HECW2: variants seen among roughly 807,000 people sequenced by gnomAD.
HECW2 encodes the protein HECT, C2 and WW domain containing E3 ubiquitin protein ligase 2, also known as E3 ubiquitin-protein ligase HECW2.
HECW2 carries 61 observed loss-of-function variants against 175.2 expected under a neutral mutation model. That is an observed-to-expected ratio of 0.35 (90% CI 0.28 to 0.43). HECW2 has a LOEUF of 0.43. Ranked by LOEUF, HECW2 falls within the 20% of genes least tolerant of loss-of-function variation. The pLI is 1.00. For synonymous variants in HECW2, 671 were observed against 731.0 expected, an observed-to-expected ratio of 0.92 and a Z score of 1.32; for missense variants, 1,524 against 2,000.5, an observed-to-expected ratio of 0.76 and a Z score of 4.54.
At chr2:196,406,541 C>T (rs189006651) in intron 2 of HECW2, among the ~76,000 whole-genome samples, 12 of 152,300 alleles carry the variant, frequency 7.9e-5, no homozygotes, top group African/African-American at 2.4e-4. Flanking sequence ...AAAGTCAAAC[C>T]TTATTAATCT....
chr2:196,432,199 A>G (rs896776465), intron 2 of HECW2, among the ~76,000 whole-genome samples: 8 of 152,170 alleles, frequency 5.3e-5, no homozygotes, highest in African/African-American at 1.9e-4. Flanking sequence ...AAGTACTGCC[A>G]TAAACAGATG....
chr2:196,292,427 A>G (rs991858811), intron 14 of HECW2, 138 bp downstream of exon 14: 1 of 702,178 alleles, frequency 1.4e-6, no homozygotes, highest in Non-Finnish European at 2.4e-6. Context: ...CCTGCTGTCC[A>G]GGTTTCACTT....
chr2:196,304,822 C>A (rs1394938226), intron 13 of HECW2, among the ~76,000 whole-genome samples: 4 of 152,178 alleles, frequency 2.6e-5, no homozygotes, highest in Non-Finnish European at 4.4e-5. Context: ...TCACTAGTGT[C>A]CTATGTTCTC....
chr2:196,542,540 G>A (rs888345583), intron 1 of HECW2, among the ~76,000 whole-genome samples: 6 of 151,930 alleles, frequency 3.9e-5, no homozygotes, highest in African/African-American at 1.5e-4. Context: ...TATGCACATG[G>A]TACAACATTC....
intron 21 of HECW2, chr2:196,238,435 GTTTC>G (rs3054196): frequency 3.4e-4 from 13 of 37,980 alleles, no homozygotes; most frequent in African/African-American, 7.2e-4. Context: ...GTAGCTCAAG[GTTTC>G]TTTCTTTCTT....
At chr2:196,241,721 T>A (rs1688463088) in intron 20 of HECW2, among the ~76,000 whole-genome samples, 1 of 152,282 alleles carries the variant, frequency 6.6e-6, no homozygotes, top group African/African-American at 2.4e-5. Flanking sequence ...TACACTCAGG[T>A]CAGTTCAGGA....
chr2:196,470,824 G>C (rs1321865570), intron 1 of HECW2, among the ~76,000 whole-genome samples: 2 of 151,884 alleles, frequency 1.3e-5, no homozygotes, highest in Non-Finnish European at 2.9e-5. Context: ...ACAGGTCGCA[G>C]GCATCTATAA....
intron 19 of HECW2, among the ~76,000 whole-genome samples, chr2:196,248,631 C>CACACACACACACAG (rs779364588): frequency 6.7e-6 from 1 of 148,386 alleles, no homozygotes; most frequent in Non-Finnish European, 1.5e-5. Flanking sequence ...CACACACACA[C>CACACACACACACAG]AGAGAGAGAC....
At chr2:196,357,491 T>A (rs979970313) in intron 2 of HECW2, among the ~76,000 whole-genome samples, 1 of 152,218 alleles carries the variant, frequency 6.6e-6, no homozygotes, top group South Asian at 2.1e-4. Flanking sequence ...AGTCAAAATA[T>A]AAAGCTCTGA....
rs146746712 is a variant in HECW2 at position 196,240,779 on chromosome 2, C to T, written c.3651-217G>A. ...AGAGAATCATTGGTAGAGTACCCTA[C>T]CTATGACCAGTGTAAACAACCGGAG... On this transcript the variant is annotated intron_variant, in intron 20 of 28. Transcript: ENST00000644978. Among the ~76,000 whole-genome samples the T allele has an allele frequency of 2.5e-3, 384 of 152,122 alleles. 3 individuals carry two copies. The highest frequency in any genetic ancestry group is 3.0e-3 in the Non-Finnish European group (206 of 68,004).
At chr2:196,218,283 GGT>G (rs923724532) in intron 26 of HECW2, 1 of 152,168 alleles carries the variant, frequency 6.6e-6, no homozygotes, top group African/African-American at 2.4e-5. Flanking sequence ...TAGCAGCTGG[GGT>G]GTGAACATAT....
At chr2:196,411,485 G>C (rs1320440414) in intron 2 of HECW2, among the ~76,000 whole-genome samples, 5 of 152,228 alleles carry the variant, frequency 3.3e-5, no homozygotes. Flanking sequence ...CAAAGGTCTT[G>C]TGCAAAGGAG....
At chr2:196,387,121 CCTT>C (rs1416919145) in intron 2 of HECW2, among the ~76,000 whole-genome samples, 3 of 152,144 alleles carry the variant, frequency 2.0e-5, no homozygotes, top group Admixed American at 2.0e-4. Context: ...TTACTTCTTA[CCTT>C]CTTTCATAAG....
intron 2 of HECW2, among the ~76,000 whole-genome samples, chr2:196,406,576 T>C (rs932801148): frequency 1.3e-5 from 2 of 152,238 alleles, no homozygotes; most frequent in Admixed American, 6.5e-5. Context: ...TGGTCTCCAC[T>C]GTACTTGGAA....
chr2:196,512,587 A>AC (rs1217799481), intron 1 of HECW2, among the ~76,000 whole-genome samples: 1 of 151,940 alleles, frequency 6.6e-6, no homozygotes, highest in Non-Finnish European at 1.5e-5. Context: ...ATGAGGTCTC[A>AC]CTATGTTGCT....
At chr2:196,493,221 T>A (rs1687265331) in intron 1 of HECW2, 1 of 152,100 alleles carries the variant, frequency 6.6e-6, no homozygotes, top group African/African-American at 2.4e-5. Flanking sequence ...ATTTTAAAAA[T>A]TAGCTGAGCA....
chr2:196,483,329 A>T (rs1686905102), intron 1 of HECW2, among the ~76,000 whole-genome samples: 1 of 152,232 alleles, frequency 6.6e-6, no homozygotes, highest in Admixed American at 6.5e-5. Flanking sequence ...ATCAAGAATT[A>T]TACAACTCCT....
chr2:196,265,099 T>C lies in HECW2; in HGVS notation c.3335+6094A>G, dbSNP rs78596924. Reference sequence around the variant, plus strand: ...ATGGAGCAGTCAAGGCTGGTTTTATTGTGTAAATGTAAAATATTTTAGAGT... The same window carrying C: ...ATGGAGCAGTCAAGGCTGGTTTTATCGTGTAAATGTAAAATATTTTAGAGT... On this transcript the variant is annotated intron_variant, in intron 17 of 28. Coordinates refer to ENST00000644978, the MANE Select transcript of HECW2 (RefSeq NM_001348768.2). 6.0e-3 allele frequency among the ~76,000 whole-genome samples: 912 copies of C among 152,312 alleles called. 6 individuals carry two copies. Among genetic ancestry groups the C allele is most frequent in the African/African-American group, 0.021 (891 of 41,562 alleles).
chr2:196,587,541 A>G (rs1288307366), intron 1 of HECW2, among the ~76,000 whole-genome samples: 1 of 152,240 alleles, frequency 6.6e-6, no homozygotes, highest in African/African-American at 2.4e-5. Flanking sequence ...TACTATTTTC[A>G]TCACTATTTT....
Sources: gnomAD v4.1 joint callset for allele counts (sites outside exome capture counted in the v4.1 genomes callset) on GRCh38, gnomAD v4.1.1 for gene constraint, MANE v1.5 for transcripts, NCBI Gene and HGNC (gene_info 2026-07-23, HGNC 2026-07-21) for gene names.